Variants in INO80E observed in about 807,000 individuals in gnomAD.
The protein encoded by INO80E is coiled-coil domain containing 95.
Under a neutral mutation model 27.3 loss-of-function variants are expected in INO80E, and 20 were observed. That is an observed-to-expected ratio of 0.73 (90% CI 0.51 to 1.06). The LOEUF is 1.06. Ranked by LOEUF, INO80E falls within the 50% of genes least tolerant of loss-of-function variation. The pLI, the probability that INO80E is intolerant of heterozygous loss-of-function variation, is 0.00. For synonymous variants in INO80E, 167 were observed against 145.9 expected, an observed-to-expected ratio of 1.14 and a Z score of -1.04; for missense variants, 357 against 322.8, an observed-to-expected ratio of 1.11 and a Z score of -0.81.
In INO80E at chr16:29,996,573, G is replaced by C; in HGVS notation, c.108G>C (p.Leu36=). The C allele has an allele frequency of 3.8e-6, 6 of 1,573,010 alleles. No individual in the cohort carries two copies. Among genetic ancestry groups the C allele is most frequent in the Non-Finnish European group, 5.2e-6 (6 of 1,159,240 alleles). The change falls in exon 2 of 7, where the codon CTG becomes CTC. Residue 36 remains leucine (L), a synonymous_variant. Coordinates refer to ENST00000563197, the MANE Select transcript of INO80E (RefSeq NM_173618.3). ...IYEHECFQEE[L]RKAQRKLLKV... The stretch of plus-strand genomic sequence containing the variant: ...AGCACGAGTGCTTCCAGGAGGAGCT[G>C]AGGAAAGCGCAAAGGAAATTACTGA...
chr16:30,005,664 G>A lies in INO80E; in HGVS notation c.*222G>A, dbSNP rs2070554584. The stretch of plus-strand genomic sequence containing the variant: ...CCCTCCAGGGGACAGTTATTTAAAC[G>A]AGTGGCCGGGAGCATCTGCCACCTG... On this transcript the variant is annotated 3_prime_UTR_variant, in exon 7 of 7. Transcript: ENST00000563197. 3 of 564,208 alleles carry A rather than the reference G, an allele frequency of 5.3e-6. No individual in the cohort carries two copies. The highest frequency in any genetic ancestry group is 9.2e-6 in the Non-Finnish European group (3 of 324,468). The allele number at this position is 564,208 out of a possible 1,614,324, so 35.0% of individuals were successfully genotyped here. A position where few individuals can be genotyped will look rare whatever the true frequency, so the allele number is the denominator to read the frequency against.
Position 30,001,429 on chromosome 16 carries a change from T to A in INO80E, c.412T>A (p.Tyr138Asn). The A allele has an allele frequency of 6.2e-7, 1 of 1,606,412 alleles. No individual in the cohort carries two copies. Among genetic ancestry groups the A allele is most frequent in the Non-Finnish European group, 8.5e-7 (1 of 1,176,142 alleles). The stretch of plus-strand genomic sequence containing the variant: ...CCGCCCGCAGCTGGCCTCCTCCCGC[T>A]ACCCCCCATTCCCTTCTGACTACCT... ...PYLSSLASSR[Y>N]PPFPSDYLAL... Residue 138 changes from tyrosine to asparagine, a missense_variant, in exon 6 of 7, where the codon TAC becomes AAC. Physicochemically the swap from Tyr to Asn is moderately radical, Grantham distance 143. Transcript: ENST00000563197.
rs2070416621 is a variant in INO80E at position 30,003,329 on chromosome 16, T to C, written c.513+1799T>C. 1 of 152,274 alleles carries C rather than the reference T, an allele frequency of 6.6e-6. No homozygotes were observed. The highest frequency in any genetic ancestry group is 1.5e-5 in the Non-Finnish European group (1 of 68,296). 9.4% of individuals were successfully genotyped at this position (152,274 alleles called of 1,614,324 possible). ...ACAGGGCCACAGGGAAAGCACTGCC[T>C]GGGCCAGAGCAGGAGTGGTAAGAAA... is the stretch of plus-strand genomic sequence containing the variant. On this transcript the variant is annotated intron_variant, in intron 6 of 6. Coordinates refer to ENST00000563197, the MANE Select transcript of INO80E (RefSeq NM_173618.3). The surrounding 1 kb of genome is among the most constrained non-coding windows in gnomAD (Gnocchi z 4.4).
At chr16:30,000,622 C>G (rs2070311537) in intron 3 of INO80E, 136 bp from the exon 4 acceptor site, 3 of 675,906 alleles carry the variant, frequency 4.4e-6, no homozygotes, top group African/African-American at 1.8e-5. Flanking sequence ...ACCTCAGCCT[C>G]TCACAGTGCT....
intron 3 of INO80E, among the ~76,000 whole-genome samples, chr16:29,997,623 G>A (rs552841485): frequency 2.4e-4 from 36 of 152,012 alleles, no homozygotes; most frequent in Middle Eastern, 3.4e-3. Flanking sequence ...GTGTGGTGGC[G>A]TGCACCTGTA....
At position 30,005,474 on chromosome 16, in the gene INO80E, C is replaced by T. The variant is rs371474779; in HGVS notation, c.*32C>T. On this transcript the variant is annotated 3_prime_UTR_variant, in exon 7 of 7. Coordinates refer to ENST00000563197, the MANE Select transcript of INO80E (RefSeq NM_173618.3). ...CATCACGCCATGCCCACCACGGCCCCGCCCGGCGCCCTCCCCGTGCCAGCA... is the reference window on the plus strand; with the variant it reads ...CATCACGCCATGCCCACCACGGCCCTGCCCGGCGCCCTCCCCGTGCCAGCA... The T allele has an allele frequency of 5.8e-6, 9 of 1,557,536 alleles. No homozygotes were observed. The highest frequency in any genetic ancestry group is 7.8e-6 in the Non-Finnish European group (9 of 1,149,154).
chr16:30,003,677 G>A lies in INO80E; in HGVS notation c.514-1544G>A, dbSNP rs1263360334. ...GCGGCATTGTGCGGAGAATGTGAGT[G>A]AAGGGATGAAAATCGCTCGGCCCGT... is the stretch of plus-strand genomic sequence containing the variant. On this transcript the variant is annotated intron_variant, in intron 6 of 6. Coordinates refer to ENST00000563197, the MANE Select transcript of INO80E (RefSeq NM_173618.3). The surrounding 1 kb of genome is among the most constrained non-coding windows in gnomAD (Gnocchi z 4.4). The A allele has an allele frequency of 3.9e-5, 6 of 152,246 alleles. No individual in the cohort carries two copies. The highest frequency in any genetic ancestry group is 3.9e-4 in the Admixed American group (6 of 15,288). The allele number at this position is 152,246 out of a possible 1,614,324, so 9.4% of individuals were successfully genotyped here.
Position 30,001,515 on chromosome 16 carries a change from G to GCCCCGTTTCCAGGGTA in INO80E, c.503_504insTTTCCAGGGTACCCCG (p.Lys169PhefsTer44). Reference sequence around the variant, plus strand: ...CCAAGCGGGAGAAACGGCCCCGCCTGCCCCGGAAACTCAAGGTACCCTGAC... The same window carrying GCCCCGTTTCCAGGGTA: ...CCAAGCGGGAGAAACGGCCCCGCCTGCCCCGTTTCCAGGGTACCCCGGAAACTCAAGGTACCCTGAC... On this transcript the variant is annotated frameshift_variant, in exon 6 of 7. Transcript: ENST00000563197. LOFTEE classifies it high-confidence loss of function. 1 of 1,612,798 alleles carries GCCCCGTTTCCAGGGTA rather than the reference G, an allele frequency of 6.2e-7. No individual in the cohort carries two copies. Among genetic ancestry groups the GCCCCGTTTCCAGGGTA allele is most frequent in the Non-Finnish European group, 8.5e-7 (1 of 1,179,510 alleles).
In INO80E at chr16:29,996,377, A is replaced by T; in HGVS notation, c.67A>T (p.Lys23Ter). 1 of 1,593,740 alleles carries T rather than the reference A, an allele frequency of 6.3e-7. No individual in the cohort carries two copies. Among genetic ancestry groups the T allele is most frequent in the South Asian group, 1.1e-5 (1 of 88,278 alleles). ...ATACCGGAATCTGAAGCGGAAGCTC[A>T]AGTTCCTCATCTACGTGAGTGCTGC... ...KKYRNLKRKL[K>*]FLIYEHECFQ... The change falls in exon 1 of 7, where the codon AAG (lysine) becomes TAG (stop). Residue 23 changes from lysine to a stop codon, truncating the protein, a stop_gained. Transcript: ENST00000563197. LOFTEE classifies it high-confidence loss of function.
rs752226205 is a variant in INO80E, at chr16:30,001,642, C to T, written c.513+112C>T. 2.2e-4 allele frequency: 217 copies of T among 996,492 alleles called. 1 individual carries two copies. Among genetic ancestry groups the T allele is most frequent in the Non-Finnish European group, 3.0e-4 (199 of 668,746 alleles). The allele number at this position is 996,492 out of a possible 1,614,324, so 61.7% of individuals were successfully genotyped here. ...AACCATGAACAGTTAATTTGGGGAC[C>T]CAGTCAGCACTTAGCACTGAGGGGT... is the stretch of plus-strand genomic sequence containing the variant. On this transcript the variant is annotated intron_variant, in intron 6 of 6. Transcript: ENST00000563197.
chr16:30,005,651 C>G lies in INO80E; in HGVS notation c.*209C>G. On this transcript the variant is annotated 3_prime_UTR_variant, in exon 7 of 7. Coordinates refer to ENST00000563197, the MANE Select transcript of INO80E (RefSeq NM_173618.3). The stretch of plus-strand genomic sequence containing the variant: ...TCAAACCCCGGCCCCCTCCAGGGGA[C>G]AGTTATTTAAACGAGTGGCCGGGAG... 1.7e-6 allele frequency: 1 copy of G among 586,586 alleles called. No individual in the cohort carries two copies. The highest frequency in any genetic ancestry group is 3.0e-6 in the Non-Finnish European group (1 of 337,574). 36.3% of individuals were successfully genotyped at this position (586,586 alleles called of 1,614,324 possible).
rs561571360 is a variant in INO80E at position 30,005,663 on chromosome 16, C to T, written c.*221C>T. ...CCCCTCCAGGGGACAGTTATTTAAA[C>T]GAGTGGCCGGGAGCATCTGCCACCT... On this transcript the variant is annotated 3_prime_UTR_variant, in exon 7 of 7. Coordinates refer to ENST00000563197, the MANE Select transcript of INO80E (RefSeq NM_173618.3). 37 of 567,338 alleles carry T rather than the reference C, an allele frequency of 6.5e-5. No homozygotes were observed. The highest frequency in any genetic ancestry group is 1.8e-4 in the Admixed American group (5 of 28,024). The allele number at this position is 567,338 out of a possible 1,614,324, so 35.1% of individuals were successfully genotyped here. A position where few individuals can be genotyped will look rare whatever the true frequency, so the allele number is the denominator to read the frequency against.
intron 3 of INO80E, among the ~76,000 whole-genome samples, chr16:30,000,044 G>A (rs2070288866): frequency 6.6e-6 from 1 of 152,160 alleles, no homozygotes; most frequent in Non-Finnish European, 1.5e-5. Flanking sequence ...GGAACCAGTG[G>A]CATCAAACAG....
At chr16:30,001,174 G>A in intron 5 of INO80E, 134 bp downstream of exon 5, 2 of 1,473,316 alleles carry the variant, frequency 1.4e-6, no homozygotes, top group Non-Finnish European at 1.8e-6. Context: ...GTCCCGTGGA[G>A]GGTGTGAGTC....
In INO80E at chr16:30,005,585, A is replaced by C; in HGVS notation, c.*143A>C. On this transcript the variant is annotated 3_prime_UTR_variant, in exon 7 of 7. Transcript: ENST00000563197. ...TGACACAACCAGAAAAGGCGTAAAC[A>C]TGCACGGGTGTCCCCCAGGAGGGTG... is the stretch of plus-strand genomic sequence containing the variant. 1.3e-6 allele frequency: 1 copy of C among 788,916 alleles called. No individual in the cohort carries two copies. The allele number at this position is 788,916 out of a possible 1,614,324, so 48.9% of individuals were successfully genotyped here.
At chr16:30,005,179 C>T in intron 6 of INO80E, 42 bp from the exon 7 acceptor site, 1 of 1,431,002 alleles carries the variant, frequency 7.0e-7, no homozygotes, top group South Asian at 1.6e-5. Context: ...GGCCCCAGTG[C>T]CTCCCTGACT....
In INO80E at chr16:29,996,834, A is replaced by G; in HGVS notation, c.179A>G (p.Tyr60Cys). 6.2e-7 allele frequency: 1 copy of G among 1,614,162 alleles called. No homozygotes were observed. Residue 60 changes from tyrosine (Y) to cysteine (C), a missense_variant, in exon 3 of 7, where the codon TAC becomes TGC. Transcript: ENST00000563197. ...KSFLLDRLLQ[Y>C]ENVDEDSSDS... ...TTCCTCCTAGACCGACTTCTGCAGTACGAGAACGTGGATGAAGACTCTTCG... is the reference window on the plus strand; with the variant it reads ...TTCCTCCTAGACCGACTTCTGCAGTGCGAGAACGTGGATGAAGACTCTTCG...
chr16:30,002,733 T>A (rs1471754529), intron 6 of INO80E: 1 of 152,230 alleles, frequency 6.6e-6, no homozygotes, highest in Non-Finnish European at 1.5e-5. Context: ...AGATGCCATC[T>A]GGAAAGGCAG....
intron 5 of INO80E, 128 bp from the exon 6 acceptor site, chr16:30,001,286 G>A (rs774484869): frequency 1.9e-4 from 283 of 1,489,906 alleles, no homozygotes; most frequent in Non-Finnish European, 2.4e-4. Context: ...TTCTGTGCTC[G>A]GGAGCCCCGG....
Sources: allele counts gnomAD v4.1 joint callset (sites outside exome capture counted in the v4.1 genomes callset), GRCh38; gene constraint gnomAD v4.1.1; non-coding constraint Gnocchi (gnomAD v3.1); transcripts MANE v1.5; gene names NCBI Gene and HGNC (gene_info 2026-07-23, HGNC 2026-07-21).